Variants in EGFR observed in about 807,000 individuals in gnomAD.
The protein encoded by EGFR is avian erythroblastic leukemia viral (v-erb-b) oncogene homolog.
In EGFR, 58 loss-of-function variants were observed where a neutral mutation model predicts 143.0. That is an observed-to-expected ratio of 0.41 (90% CI 0.33 to 0.50). EGFR has a LOEUF of 0.50. EGFR is among the 20% of genes least tolerant of loss of function. The pLI is 0.39. For missense variants in EGFR, 1,307 were observed against 1,579.0 expected, an observed-to-expected ratio of 0.83 and a Z score of 2.92; for synonymous variants, 613 against 594.4, an observed-to-expected ratio of 1.03 and a Z score of -0.45.
At chr7:55,096,232 C>T (rs1286209434) in intron 1 of EGFR, among the ~76,000 whole-genome samples, 1 of 152,226 alleles carries the variant, frequency 6.6e-6, no homozygotes, top group Non-Finnish European at 1.5e-5. Context: ...CAGACCCCAC[C>T]TAAGCCTTTT....
rs572751534 is a variant in EGFR at position 55,165,731 on chromosome 7, A to T, written c.1880+294A>T. On this transcript the variant is annotated intron_variant, in intron 15 of 27. Coordinates refer to ENST00000275493, the MANE Select transcript of EGFR (RefSeq NM_005228.5). ...GAGCACAGGTCCTGGCAGCTGCCAC[A>T]GTCTCCAGGGGCTTTTGCGTTTCTC... Among the ~76,000 whole-genome samples, 1,238 of 152,330 alleles carry T rather than the reference A, an allele frequency of 8.1e-3. 17 individuals carry two copies. The highest frequency in any genetic ancestry group is 0.028 in the African/African-American group (1,164 of 41,578).
At chr7:55,192,984 C>T (rs1787467742) in intron 22 of EGFR, 143 bp downstream of exon 22, 1 of 782,392 alleles carries the variant, frequency 1.3e-6, no homozygotes, top group Admixed American at 2.1e-5. Flanking sequence ...TGCTGTCTAT[C>T]TATTGTACTG....
chr7:55,170,808 C>T, intron 15 of EGFR: 1 of 1,423,582 alleles, frequency 7.0e-7, no homozygotes, highest in Non-Finnish European at 9.1e-7. Context: ...AGCATGGCCC[C>T]AGTCCATGCT....
At chr7:55,066,750 G>A (rs1270217509) in intron 1 of EGFR, among the ~76,000 whole-genome samples, 1 of 152,172 alleles carries the variant, frequency 6.6e-6, no homozygotes, top group African/African-American at 2.4e-5. Flanking sequence ...GGCTCCTCAG[G>A]TCAAGCCTCT....
intron 1 of EGFR, among the ~76,000 whole-genome samples, chr7:55,066,768 C>A (rs573290838): frequency 6.2e-4 from 94 of 152,310 alleles, no homozygotes; most frequent in Non-Finnish European, 1.2e-3. Flanking sequence ...TCTGGCTGCT[C>A]CCTGAGGTCA....
At chr7:55,178,236 T>G (rs1451022869) in intron 19 of EGFR, among the ~76,000 whole-genome samples, 1 of 152,224 alleles carries the variant, frequency 6.6e-6, no homozygotes, top group Non-Finnish European at 1.5e-5. Context: ...TCTTTGGTGT[T>G]ATGGTTGTAC....
chr7:55,179,596 T>C (rs1418273269), intron 19 of EGFR, among the ~76,000 whole-genome samples: 2 of 152,174 alleles, frequency 1.3e-5, no homozygotes, highest in Non-Finnish European at 2.9e-5. Flanking sequence ...CCTCGGGGCT[T>C]CCCAGGAACA....
At chr7:55,126,271 G>A (rs370674631) in intron 1 of EGFR, among the ~76,000 whole-genome samples, 1 of 152,222 alleles carries the variant, frequency 6.6e-6, no homozygotes, top group South Asian at 2.1e-4. Context: ...AACAGCATTG[G>A]TTCCAGTCAA....
chr7:55,075,135 C>T (rs562532813), intron 1 of EGFR, among the ~76,000 whole-genome samples: 3 of 151,008 alleles, frequency 2.0e-5, no homozygotes, highest in African/African-American at 4.9e-5. Flanking sequence ...GCAGGGGCCA[C>T]GGTTGCAGCC....
At chr7:55,200,260 C>G (rs2128969676) in intron 23 of EGFR, 56 bp from the exon 24 acceptor site, 1 of 1,515,488 alleles carries the variant, frequency 6.6e-7, no homozygotes. Flanking sequence ...GCAATGCCAT[C>G]TTTATCATTT....
chr7:55,118,202 T>C (rs1041923063), intron 1 of EGFR, among the ~76,000 whole-genome samples: 1 of 152,202 alleles, frequency 6.6e-6, no homozygotes, highest in Admixed American at 6.5e-5. Flanking sequence ...GGACACAGTC[T>C]GTTGCAATAG....
At chr7:55,036,618 C>T (rs749842866) in intron 1 of EGFR, among the ~76,000 whole-genome samples, 73 of 152,116 alleles carry the variant, frequency 4.8e-4, no homozygotes, top group Non-Finnish European at 8.4e-4. Flanking sequence ...TTCAGCTTCT[C>T]GACGGAGGTA....
chr7:55,117,466 A>G (rs1365682708), intron 1 of EGFR, among the ~76,000 whole-genome samples: 1 of 152,246 alleles, frequency 6.6e-6, no homozygotes, highest in African/African-American at 2.4e-5. Flanking sequence ...GCAGCTTGTC[A>G]AAGAGGAACG....
intron 1 of EGFR, among the ~76,000 whole-genome samples, chr7:55,042,171 C>T (rs1249572823): frequency 6.6e-6 from 1 of 152,138 alleles, no homozygotes; most frequent in African/African-American, 2.4e-5. Context: ...ACCATGACAA[C>T]CATTAAAGAT....
chr7:55,125,253 A>T (rs1793455657), intron 1 of EGFR, among the ~76,000 whole-genome samples: 1 of 152,242 alleles, frequency 6.6e-6, no homozygotes, highest in South Asian at 2.1e-4. Context: ...GGAGAAGGAG[A>T]TTATTTAATA....
At chr7:55,170,203 A>G (rs1032686555) in intron 15 of EGFR, 1 of 1,598,686 alleles carries the variant, frequency 6.3e-7, no homozygotes, top group Admixed American at 1.7e-5. Flanking sequence ...GAGAACAGAG[A>G]CCTGGAGAGC....
chr7:55,121,863 C>T (rs1793227255), intron 1 of EGFR, among the ~76,000 whole-genome samples: 1 of 152,136 alleles, frequency 6.6e-6, no homozygotes, highest in Admixed American at 6.5e-5. Context: ...CGACAGTGAC[C>T]TTGACTGGGA....
At chr7:55,204,204 TAC>T (rs1056035842) in intron 27 of EGFR, among the ~76,000 whole-genome samples, 2 of 144,010 alleles carry the variant, frequency 1.4e-5, no homozygotes, top group East Asian at 2.1e-4. Flanking sequence ...CATACACATG[TAC>T]ACACACACCA....
At chr7:55,186,454 C>G (rs1787142601) in intron 20 of EGFR, among the ~76,000 whole-genome samples, 1 of 152,226 alleles carries the variant, frequency 6.6e-6, no homozygotes, top group African/African-American at 2.4e-5. Flanking sequence ...CCTCCTGATC[C>G]CGTCTGCACT....
Sources: allele counts gnomAD v4.1 joint callset (sites outside exome capture counted in the v4.1 genomes callset), GRCh38; gene constraint gnomAD v4.1.1; transcripts MANE v1.5; gene names NCBI Gene and HGNC (gene_info 2026-07-23, HGNC 2026-07-21).